The following ASIC2 variants were observed in gnomAD, a reference collection of about 807,000 sequenced individuals.
The protein encoded by ASIC2 is acid-sensing ion channel 2.
ASIC2 carries 25 observed loss-of-function variants against 57.3 expected under a neutral mutation model. The ratio of observed to expected loss-of-function variants is 0.44; its 90% CI spans 0.32 to 0.61. ASIC2 has a LOEUF of 0.61. ASIC2 is among the 20% of genes least tolerant of loss of function. The probability of loss-of-function intolerance (pLI) is 0.06; values close to 1 mark genes in which losing one functional copy is unlikely to be tolerated. For missense variants in ASIC2, 641 were observed against 738.1 expected, an observed-to-expected ratio of 0.87 and a Z score of 1.52; for synonymous variants, 319 against 307.5, an observed-to-expected ratio of 1.04 and a Z score of -0.39.
chr17:33,931,175 C>T (rs1053332698), intron 1 of ASIC2: 1 of 152,162 alleles, frequency 6.6e-6, no homozygotes, highest in African/African-American at 2.4e-5. Context: ...CCGGCGGACT[C>T]ACGTCTCCAA....
chr17:33,965,089 G>A (rs144139186), intron 1 of ASIC2, among the ~76,000 whole-genome samples: 43 of 152,254 alleles, frequency 2.8e-4, no homozygotes, highest in African/African-American at 5.8e-4. Flanking sequence ...CTATGGGGCC[G>A]TGAAAAATGA....
chr17:33,354,876 C>A (rs531257887), intron 1 of ASIC2, among the ~76,000 whole-genome samples: 3 of 152,314 alleles, frequency 2.0e-5, no homozygotes, highest in African/African-American at 7.2e-5. Context: ...TGTCCCCACA[C>A]ATGTGCACCT....
At chr17:33,270,241 A>G (rs781079576) in intron 1 of ASIC2, among the ~76,000 whole-genome samples, 7 of 152,196 alleles carry the variant, frequency 4.6e-5, no homozygotes, top group Non-Finnish European at 8.8e-5. Flanking sequence ...GCCTTTAATC[A>G]TATAATCATC....
chr17:33,412,102 C>A (rs1910684365), intron 1 of ASIC2, among the ~76,000 whole-genome samples: 1 of 152,302 alleles, frequency 6.6e-6, no homozygotes, highest in East Asian at 1.9e-4. Flanking sequence ...TGGGCACTGG[C>A]TCCTCCTGCT....
rs760402959 is a variant in ASIC2, at chr17:34,112,920, G to A, written c.555+43058C>T. Reference sequence around the variant, plus strand: ...GCTGTACTCTCTAGGCTTGGGTTGCGTCAATCATGTCCCTATTTCCCAAAT... The same window carrying A: ...GCTGTACTCTCTAGGCTTGGGTTGCATCAATCATGTCCCTATTTCCCAAAT... On this transcript the variant is annotated intron_variant, in intron 1 of 9. Transcript: ENST00000359872. Among the ~76,000 whole-genome samples the A allele has an allele frequency of 1.3e-4, 20 of 152,264 alleles. 1 individual carries two copies. Among genetic ancestry groups the A allele is most frequent in the African/African-American group, 2.4e-4 (10 of 41,542 alleles).
intron 1 of ASIC2, among the ~76,000 whole-genome samples, chr17:33,233,631 TC>T (rs1261716914): frequency 6.6e-6 from 1 of 151,988 alleles, no homozygotes; most frequent in Admixed American, 6.6e-5. Flanking sequence ...TTTTTTTTTT[TC>T]TGAACGGCAT....
rs1005281391 is a variant in ASIC2, at chr17:34,107,806, T to A, written c.555+48172A>T. ...GTCAGTTTGCTTTCAGTTTTAGGGT[T>A]CTCTCCTTTACATTTTTCGGCTTTA... On this transcript the variant is annotated intron_variant, in intron 1 of 9. Coordinates refer to the ASIC2 transcript ENST00000359872. Among the ~76,000 whole-genome samples, 6 of 152,312 alleles carry A rather than the reference T, an allele frequency of 3.9e-5. No homozygotes were observed. The East Asian group carries it at 1.2e-3, about 29-fold the overall frequency.
intron 1 of ASIC2, among the ~76,000 whole-genome samples, chr17:33,405,052 G>C (rs1307922513): frequency 1.3e-5 from 2 of 151,532 alleles, no homozygotes; most frequent in African/African-American, 4.9e-5. Context: ...GCTAATGTTA[G>C]AGTAGGGGGA....
chr17:33,669,897 G>A (rs1907591903), intron 1 of ASIC2, among the ~76,000 whole-genome samples: 1 of 152,172 alleles, frequency 6.6e-6, no homozygotes, highest in Non-Finnish European at 1.5e-5. Flanking sequence ...GAGGCTTAAT[G>A]AAAGTTAGCG....
chr17:33,746,316 A>T (rs975920330), intron 1 of ASIC2, among the ~76,000 whole-genome samples: 3 of 149,764 alleles, frequency 2.0e-5, no homozygotes, highest in Non-Finnish European at 4.5e-5. Flanking sequence ...ATACATGTAC[A>T]CATATATACA....
chr17:33,925,262 G>C (rs1915800134), intron 1 of ASIC2, among the ~76,000 whole-genome samples: 1 of 152,214 alleles, frequency 6.6e-6, no homozygotes, highest in African/African-American at 2.4e-5. Flanking sequence ...CTTGCACAAG[G>C]GTTGAATGAG....
At chr17:33,739,994 GAAAGAAAAAT>G (rs1910057009) in intron 1 of ASIC2, among the ~76,000 whole-genome samples, 8 of 150,136 alleles carry the variant, frequency 5.3e-5, no homozygotes, top group Non-Finnish European at 1.2e-4. Flanking sequence ...AAAAAAGAAA[GAAAGAAAAAT>G]AAAGAAAGAG....
chr17:33,785,274 C>T (rs184801053), intron 1 of ASIC2, among the ~76,000 whole-genome samples: 64 of 152,196 alleles, frequency 4.2e-4, no homozygotes, highest in Middle Eastern at 3.4e-3. Flanking sequence ...CCAACCCTGC[C>T]GACACCTTGA....
At chr17:33,791,998 C>A (rs539035990) in intron 1 of ASIC2, 1 of 151,998 alleles carries the variant, frequency 6.6e-6, no homozygotes, top group South Asian at 2.1e-4. Flanking sequence ...TCTGTAGAGA[C>A]GGGGTCTCGT....
chr17:33,442,291 T>C (rs1047609781), intron 1 of ASIC2, among the ~76,000 whole-genome samples: 5 of 152,240 alleles, frequency 3.3e-5, no homozygotes, highest in Non-Finnish European at 5.9e-5. Flanking sequence ...AATTTTACAA[T>C]CAGCTTGTTA....
At chr17:33,669,794 G>A (rs536899804) in intron 1 of ASIC2, among the ~76,000 whole-genome samples, 1 of 152,266 alleles carries the variant, frequency 6.6e-6, no homozygotes, top group South Asian at 2.1e-4. Flanking sequence ...TTCCCCTCCT[G>A]TTTTGTTTGT....
At chr17:34,074,182 A>AT (rs1220968939) in intron 1 of ASIC2, among the ~76,000 whole-genome samples, 1 of 152,134 alleles carries the variant, frequency 6.6e-6, no homozygotes, top group Non-Finnish European at 1.5e-5. Context: ...AGCAACCTAT[A>AT]TTTTAACAAG....
At chr17:33,278,069 G>T (rs1449071281) in intron 1 of ASIC2, among the ~76,000 whole-genome samples, 10 of 152,054 alleles carry the variant, frequency 6.6e-5, no homozygotes, top group Admixed American at 6.5e-4. Context: ...ATCCTTTTTC[G>T]GATCCCTGCA....
intron 1 of ASIC2, among the ~76,000 whole-genome samples, chr17:34,010,253 G>A (rs928148922): frequency 1.3e-5 from 2 of 152,116 alleles, no homozygotes; most frequent in Admixed American, 1.3e-4. Flanking sequence ...ACCTATCTGG[G>A]GCTGGACCTT....
Sources: allele counts gnomAD v4.1 joint callset (sites outside exome capture counted in the v4.1 genomes callset), GRCh38; gene constraint gnomAD v4.1.1; transcripts MANE v1.5; gene names NCBI Gene and HGNC (gene_info 2026-07-23, HGNC 2026-07-21).